C6orf89: variants seen among roughly 807,000 people sequenced by gnomAD.
C6orf89 encodes the protein chromosome 6 open reading frame 89.
C6orf89 carries 29 observed loss-of-function variants against 40.7 expected under a neutral mutation model. The ratio of observed to expected loss-of-function variants is 0.71; its 90% CI spans 0.53 to 0.97. C6orf89 has a LOEUF of 0.97. Ranked by LOEUF, C6orf89 falls within the 50% of genes least tolerant of loss-of-function variation. The probability of loss-of-function intolerance (pLI) is 0.00; values close to 1 mark genes in which losing one functional copy is unlikely to be tolerated. For synonymous variants in C6orf89, 165 were observed against 152.2 expected (o/e 1.08, Z -0.62); for missense variants, 392 against 429.1 (o/e 0.91, Z 0.76).
chr6:36,880,183 A>T (rs551300228), intron 2 of C6orf89, among the ~76,000 whole-genome samples: 1 of 152,366 alleles, frequency 6.6e-6, no homozygotes, highest in African/African-American at 2.4e-5. Context: ...AATCAGTAAT[A>T]AGAAATTTAA....
At chr6:36,875,017 C>T in intron 1 of C6orf89, 1 of 512,240 alleles carries the variant, frequency 2.0e-6, no homozygotes, top group Non-Finnish European at 3.5e-6. Flanking sequence ...CTCCAAGTGG[C>T]GATACCGCGC....
chr6:36,922,062 C>T (rs992231977), intron 8 of C6orf89, among the ~76,000 whole-genome samples: 1 of 152,118 alleles, frequency 6.6e-6, no homozygotes, highest in African/African-American at 2.4e-5. Flanking sequence ...TAAAGCCATG[C>T]GCGATGGCTC....
rs1180656112 is a variant in C6orf89, at chr6:36,914,279, C to G, written c.404-5C>G. On this transcript the variant is annotated splice_region_variant and splice_polypyrimidine_tract_variant and intron_variant, in intron 4 of 8. Transcript: ENST00000480824. ...CTGTTTTCTCCATATCCCTTCCTCT[C>G]TCAGACTTTGACCCCTGGTGGACAA... The G allele has an allele frequency of 6.2e-7, 1 of 1,612,368 alleles. No individual in the cohort carries two copies. Among genetic ancestry groups the G allele is most frequent in the Non-Finnish European group, 8.5e-7 (1 of 1,179,118 alleles).
At position 36,925,431 on chromosome 6, in the gene C6orf89, T is replaced by G. The variant is rs1343407360; in HGVS notation, c.*1990T>G. The G allele has an allele frequency of 1.3e-5, 2 of 152,220 alleles. No homozygotes were observed. Among genetic ancestry groups the G allele is most frequent in the Non-Finnish European group, 2.9e-5 (2 of 68,038 alleles). The allele number at this position is 152,220 out of a possible 1,614,324, so 9.4% of individuals were successfully genotyped here. A position where few individuals can be genotyped will look rare whatever the true frequency, so the allele number is the denominator to read the frequency against. Reference sequence around the variant, plus strand: ...TCACTCTTGCCCTTCACATCTTAAATGTCCATAAGAAACCCTTGCATGTGT... The same window carrying G: ...TCACTCTTGCCCTTCACATCTTAAAGGTCCATAAGAAACCCTTGCATGTGT... On this transcript the variant is annotated 3_prime_UTR_variant, in exon 9 of 9. Coordinates refer to ENST00000480824, the MANE Select transcript of C6orf89 (RefSeq NM_001286635.2).
Position 36,916,453 on chromosome 6 carries a change from C to G in C6orf89, c.704C>G (p.Pro235Arg). The G allele has an allele frequency of 6.2e-7, 1 of 1,614,146 alleles. No individual in the cohort carries two copies. Among genetic ancestry groups the G allele is most frequent in the Non-Finnish European group, 8.5e-7 (1 of 1,180,026 alleles). Reference protein sequence around the residue: ...WFPFPYPWRRPLNRSQMLREL... With the variant: ...WFPFPYPWRRRLNRSQMLREL... ...GTTTCATACTTCTACAGGAGGAGAC[C>G]TCTGAACAGATCACAAATGTTACGT... is the stretch of plus-strand genomic sequence containing the variant. Residue 235 changes from proline to arginine, a missense_variant, in exon 7 of 9, where the codon CCT becomes CGT. By Grantham distance (103) the Pro-to-Arg change is moderately radical (BLOSUM62 -2). Transcript: ENST00000480824.
intron 2 of C6orf89, among the ~76,000 whole-genome samples, chr6:36,898,404 C>T (rs1337036720): frequency 6.6e-6 from 1 of 151,728 alleles, no homozygotes; most frequent in Non-Finnish European, 1.5e-5. Flanking sequence ...CTCAGCCGCC[C>T]GAGTAGCTGG....
upstream of C6orf89, among the ~76,000 whole-genome samples, chr6:36,882,054 CA>C (rs149465808): frequency 0.015 from 2,215 of 149,650 alleles, 49 homozygotes; most frequent in African/African-American, 0.049. Flanking sequence ...AAATAAACAA[CA>C]AAAAAAAATG....
chr6:36,883,777 G>T (rs1283216656), upstream of C6orf89, among the ~76,000 whole-genome samples: 1 of 152,180 alleles, frequency 6.6e-6, no homozygotes, highest in Non-Finnish European at 1.5e-5. Flanking sequence ...TAGAATAAAA[G>T]AGGCAATAAT....
chr6:36,923,697 G>C lies in C6orf89; in HGVS notation c.*256G>C, dbSNP rs1008586531. On this transcript the variant is annotated 3_prime_UTR_variant, in exon 9 of 9. Transcript: ENST00000480824. ...ACTCTGCCAGCACCCATCTGAGACT[G>C]ACCTCTTCCGGGCCTTTGGACACTA... The C allele has an allele frequency of 1.7e-5, 8 of 471,830 alleles. No individual in the cohort carries two copies. Among genetic ancestry groups the C allele is most frequent in the Non-Finnish European group, 2.8e-5 (7 of 251,076 alleles). 29.2% of individuals were successfully genotyped at this position (471,830 alleles called of 1,614,324 possible).
intron 1 of C6orf89, among the ~76,000 whole-genome samples, chr6:36,872,434 T>C (rs567147294): frequency 6.6e-6 from 1 of 152,282 alleles, no homozygotes; most frequent in South Asian, 2.1e-4. Flanking sequence ...TGTGTTTGTT[T>C]GGGAGGGAGT....
Position 36,923,383 on chromosome 6 carries a change from T to G in C6orf89, c.986T>G (p.Ile329Arg). 6.2e-7 allele frequency: 1 copy of G among 1,614,186 alleles called. No individual in the cohort carries two copies. The change falls in exon 9 of 9, where the codon ATA becomes AGA. Residue 329 changes from isoleucine to arginine, a missense_variant. Coordinates refer to ENST00000480824, the MANE Select transcript of C6orf89 (RefSeq NM_001286635.2). The part of the protein sequence containing the change: ...VDTTHWKVYV[I>R]ARGVQPLVIC... Reference sequence around the variant, plus strand: ...ACCACCCACTGGAAGGTCTACGTTATAGCCAGAGGGGTCCAGCCTTTGGTC... The same window carrying G: ...ACCACCCACTGGAAGGTCTACGTTAGAGCCAGAGGGGTCCAGCCTTTGGTC...
chr6:36,886,000 G>T lies in C6orf89; in HGVS notation c.-148G>T, dbSNP rs779751692. 1.5e-4 allele frequency: 162 copies of T among 1,111,796 alleles called. No individual in the cohort carries two copies. Among genetic ancestry groups the T allele is most frequent in the Middle Eastern group, 9.4e-4 (4 of 4,246 alleles). 68.9% of individuals were successfully genotyped at this position (1,111,796 alleles called of 1,614,324 possible). Reference sequence around the variant, plus strand: ...CCGGCGGCAGCTGTCCCCGAGGCGGGAGGAGCCCGAGGGGCGCGAGCCCCG... The same window carrying T: ...CCGGCGGCAGCTGTCCCCGAGGCGGTAGGAGCCCGAGGGGCGCGAGCCCCG... On this transcript the variant is annotated 5_prime_UTR_variant, in exon 1 of 9. Coordinates refer to ENST00000480824, the MANE Select transcript of C6orf89 (RefSeq NM_001286635.2).
intron 1 of C6orf89, among the ~76,000 whole-genome samples, chr6:36,889,001 G>C (rs1775096283): frequency 1.3e-5 from 2 of 152,184 alleles, no homozygotes; most frequent in Non-Finnish European, 2.9e-5. Flanking sequence ...CACCGTGTCT[G>C]GTAGGCAGGT....
intron 4 of C6orf89, among the ~76,000 whole-genome samples, chr6:36,910,625 G>A (rs1762091373): frequency 6.6e-6 from 1 of 152,056 alleles, no homozygotes; most frequent in Non-Finnish European, 1.5e-5. Flanking sequence ...CTACTTGGGA[G>A]GCTGAGGTGG....
At chr6:36,913,831 T>C (rs1324251264) in intron 4 of C6orf89, among the ~76,000 whole-genome samples, 1 of 147,746 alleles carries the variant, frequency 6.8e-6, no homozygotes, top group East Asian at 3.0e-4. Context: ...CCTTACCTTT[T>C]CAGCGGTCTC....
intron 1 of C6orf89, among the ~76,000 whole-genome samples, chr6:36,873,112 C>T (rs1299621530): frequency 1.3e-5 from 2 of 152,216 alleles, no homozygotes; most frequent in Admixed American, 1.3e-4. Flanking sequence ...CCTCATGAAG[C>T]TTACATTCTG....
intron 4 of C6orf89, among the ~76,000 whole-genome samples, chr6:36,909,103 C>G (rs2150703468): frequency 6.6e-6 from 1 of 151,320 alleles, no homozygotes; most frequent in Non-Finnish European, 1.5e-5. Flanking sequence ...TAAACCCTCT[C>G]TATATATTTT....
intron 8 of C6orf89, among the ~76,000 whole-genome samples, chr6:36,920,362 A>G (rs376796247): frequency 6.6e-6 from 1 of 152,334 alleles, no homozygotes. Flanking sequence ...GTCAGTAGCA[A>G]TCTGTTTGAC....
chr6:36,880,685 C>T (rs1204075158), intron 2 of C6orf89, among the ~76,000 whole-genome samples: 4 of 152,124 alleles, frequency 2.6e-5, no homozygotes, highest in African/African-American at 4.8e-5. Flanking sequence ...GAAAATTGTT[C>T]AATTTATTTT....
Sources: gnomAD v4.1 joint callset for allele counts (sites outside exome capture counted in the v4.1 genomes callset) on GRCh38, gnomAD v4.1.1 for gene constraint, MANE v1.5 for transcripts, NCBI Gene and HGNC (gene_info 2026-07-23, HGNC 2026-07-21) for gene names.